The following TRIM5 variants were observed in gnomAD, a reference collection of about 807,000 sequenced individuals.
The protein encoded by TRIM5 is tripartite motif containing 5.
A neutral mutation model predicts 35.6 loss-of-function variants in TRIM5; 31 were observed. The ratio of observed to expected loss-of-function variants is 0.87; its 90% CI spans 0.65 to 1.18. The LOEUF (loss-of-function observed/expected upper bound fraction) is 1.18. TRIM5 is among the 50% of genes most tolerant of loss of function. The pLI, the probability that TRIM5 is intolerant of heterozygous loss-of-function variation, is 0.00. For synonymous variants in TRIM5, 243 were observed against 215.6 expected (o/e 1.13, Z -1.11); for missense variants, 609 against 591.6 (o/e 1.03, Z -0.31).
At chr11:5,675,356 C>G (rs1045780881) in intron 4 of TRIM5, among the ~76,000 whole-genome samples, 1 of 152,174 alleles carries the variant, frequency 6.6e-6, no homozygotes, top group East Asian at 1.9e-4. Flanking sequence ...CCCTGGGGTT[C>G]CGAGGAATAC....
the TRIM5 span, chr11:5,605,658 C>A: frequency 6.9e-7 from 1 of 1,438,906 alleles, no homozygotes; most frequent in Admixed American, 2.7e-5. Flanking sequence ...ACCATCGTTG[C>A]AGGGACAAGA....
chr11:5,606,702 C>A, the TRIM5 span, among the ~76,000 whole-genome samples: 2 of 152,158 alleles, frequency 1.3e-5, no homozygotes, highest in Non-Finnish European at 2.9e-5. Flanking sequence ...GGCTCCTCAA[C>A]AGTCCTCAAA....
chr11:5,645,867 G>GAAAAAAAA, the TRIM5 span: 6,844 of 134,622 alleles, frequency 0.051, 280 homozygotes, highest in East Asian at 0.16. Context: ...TAGTCTTCTG[G>GAAAAAAAA]AAAAAAAAAA....
chr11:5,655,001 G>T, the TRIM5 span, among the ~76,000 whole-genome samples: 2 of 152,092 alleles, frequency 1.3e-5, no homozygotes, highest in South Asian at 4.1e-4. Flanking sequence ...GATCAGCCTG[G>T]CTAACATGGT....
the TRIM5 span, chr11:5,605,402 CAG>C: frequency 6.2e-7 from 1 of 1,614,162 alleles, no homozygotes; most frequent in Non-Finnish European, 8.5e-7. Flanking sequence ...ATATCCTAGA[CAG>C]AGTGGAGCAA....
At chr11:5,592,919 AAAAAAAAAAAAGAAAAAAG>A in the TRIM5 span, among the ~76,000 whole-genome samples, 85 of 137,610 alleles carry the variant, frequency 6.2e-4, no homozygotes, top group South Asian at 2.3e-4. Context: ...TGTCTCAAAA[AAAAAAAAAAAAGAAAAAAG>A]AAAAAGAAAA....
chr11:5,675,358 G>A (rs930883214), intron 4 of TRIM5, among the ~76,000 whole-genome samples: 5 of 152,104 alleles, frequency 3.3e-5, no homozygotes, highest in Admixed American at 6.6e-5. Flanking sequence ...CTGGGGTTCC[G>A]AGGAATACAG....
At chr11:5,666,179 G>T in intron 5 of TRIM5, 98 bp from the exon 6 acceptor site, 1 of 1,005,434 alleles carries the variant, frequency 9.9e-7, no homozygotes, top group Non-Finnish European at 1.5e-6. Flanking sequence ...TGAGGCACTT[G>T]AACTCTCTTC....
At chr11:5,677,975 G>C (rs1852122219) in intron 4 of TRIM5, 1 of 409,670 alleles carries the variant, frequency 2.4e-6, no homozygotes, top group African/African-American at 2.0e-5. Context: ...AGAGCTAATT[G>C]ATCATCTCCA....
At chr11:5,630,944 G>A in the TRIM5 span, among the ~76,000 whole-genome samples, 3 of 152,172 alleles carry the variant, frequency 2.0e-5, no homozygotes, top group Non-Finnish European at 4.4e-5. Context: ...ATAAACACAT[G>A]AATAATTGGC....
chr11:5,612,541 T>C, the TRIM5 span: 1 of 152,204 alleles, frequency 6.6e-6, no homozygotes, highest in Non-Finnish European at 1.5e-5. Flanking sequence ...ATGAACAATA[T>C]AAAGCACTTA....
the TRIM5 span, chr11:5,643,582 T>G: frequency 6.2e-7 from 1 of 1,614,152 alleles, no homozygotes; most frequent in Non-Finnish European, 8.5e-7. Context: ...GTCTCATTTT[T>G]CAATGTCACA....
At chr11:5,604,236 A>G in the TRIM5 span, among the ~76,000 whole-genome samples, 1 of 151,374 alleles carries the variant, frequency 6.6e-6, no homozygotes, top group Non-Finnish European at 1.5e-5. Flanking sequence ...CTGATCTCAA[A>G]CTCCTGAGCT....
chr11:5,678,618 G>A (rs962037717), intron 3 of TRIM5, among the ~76,000 whole-genome samples, 184 bp from the exon 4 acceptor site: 13 of 152,136 alleles, frequency 8.5e-5, no homozygotes, highest in Admixed American at 2.6e-4. Context: ...CAATGACCTT[G>A]AATGGGTATA....
At chr11:5,624,045 G>C in the TRIM5 span, among the ~76,000 whole-genome samples, 2 of 152,108 alleles carry the variant, frequency 1.3e-5, no homozygotes, top group Admixed American at 6.5e-5. Flanking sequence ...CACAATGTGG[G>C]GTCATCCTGT....
At chr11:5,630,977 T>G in the TRIM5 span, among the ~76,000 whole-genome samples, 3 of 152,344 alleles carry the variant, frequency 2.0e-5, no homozygotes, top group South Asian at 6.2e-4. Context: ...GATGTGGATT[T>G]AACACAGACA....
At chr11:5,643,084 A>C in the TRIM5 span, 6 of 1,279,710 alleles carry the variant, frequency 4.7e-6, no homozygotes, top group East Asian at 1.3e-4. Context: ...ACCTAATCAT[A>C]TATATCACAC....
rs1850979057 is a variant in TRIM5 at position 5,664,517 on chromosome 11, A to G, written c.*292T>C. On this transcript the variant is annotated 3_prime_UTR_variant, in exon 8 of 8. Coordinates refer to ENST00000380034, the MANE Select transcript of TRIM5 (RefSeq NM_033034.3). ...AGTGTCAGAGGCAATTGGGTGATAA[A>G]TATCTGGCAGAAGTAATACCTAAAT... 1 of 1,100,434 alleles carries G rather than the reference A, an allele frequency of 9.1e-7. No homozygotes were observed. Among genetic ancestry groups the G allele is most frequent in the Non-Finnish European group, 1.1e-6 (1 of 902,642 alleles). 68.2% of individuals were successfully genotyped at this position (1,100,434 alleles called of 1,614,324 possible). A position where few individuals can be genotyped will look rare whatever the true frequency, so the allele number is the denominator to read the frequency against.
At chr11:5,668,049 T>C (rs1284697913) in intron 4 of TRIM5, among the ~76,000 whole-genome samples, 3 of 152,198 alleles carry the variant, frequency 2.0e-5, no homozygotes, top group Admixed American at 2.0e-4. Flanking sequence ...TAGTGCTTCT[T>C]TGATTTATTA....
Sources: allele counts gnomAD v4.1 joint callset (sites outside exome capture counted in the v4.1 genomes callset), GRCh38; gene constraint gnomAD v4.1.1; transcripts MANE v1.5; gene names NCBI Gene and HGNC (gene_info 2026-07-23, HGNC 2026-07-21).